The following SHROOM3 variants were observed in gnomAD, a reference collection of about 807,000 sequenced individuals.
SHROOM3 encodes the protein shroom family member 3.
SHROOM3 carries 47 observed loss-of-function variants against 138.6 expected under a neutral mutation model. The observed-to-expected ratio is 0.34, with a 90% CI of 0.27 to 0.43. SHROOM3 has a LOEUF of 0.43. Ranked by LOEUF, SHROOM3 falls within the 20% of genes least tolerant of loss-of-function variation. The pLI is 1.00. For synonymous variants in SHROOM3, 1,062 were observed against 1,063.3 expected (o/e 1.00, Z 0.02); for missense variants, 2,491 against 2,596.5 (o/e 0.96, Z 0.88).
rs777789758 is a variant in SHROOM3, at chr4:76,756,890, G to T, written c.5151G>T (p.Arg1717Ser). 1.9e-6 allele frequency: 3 copies of T among 1,614,100 alleles called. No individual in the cohort carries two copies. Among genetic ancestry groups the T allele is most frequent in the Non-Finnish European group, 2.5e-6 (3 of 1,180,028 alleles). The change falls in exon 8 of 11, where the codon AGG becomes AGT. Residue 1717 changes from arginine to serine, a missense_variant. Around this residue, in one of 4 missense-constraint regions of SHROOM3, gnomAD observed 470 missense variants for 595.0 expected, o/e 0.79. Coordinates refer to ENST00000296043, the MANE Select transcript of SHROOM3 (RefSeq NM_020859.4). ...TGCTGAAGGAAAACAGTGTAAAGAG[G>T]AAGGCCATACAGAGAACTGTCAGCT... ...VNLLKENSVKRKAIQRTVSSS... is the reference protein window; with the variant it reads ...VNLLKENSVKSKAIQRTVSSS...
Position 76,708,670 on chromosome 4 carries a change from G to A in SHROOM3, c.324-1486G>A, listed in dbSNP as rs144347044. ...TTCTAGTCACCGATTGTTCCTATGC[G>A]TGCATTATATAGATGACAGAACTGA... is the stretch of plus-strand genomic sequence containing the variant. On this transcript the variant is annotated intron_variant, in intron 2 of 10. Coordinates refer to ENST00000296043, the MANE Select transcript of SHROOM3 (RefSeq NM_020859.4). Among the ~76,000 whole-genome samples, 524 of 152,208 alleles carry A rather than the reference G, an allele frequency of 3.4e-3. 4 individuals carry two copies. Among genetic ancestry groups the A allele is most frequent in the African/African-American group, 0.012 (481 of 41,524 alleles).
chr4:76,761,847 G>A (rs1721996422), intron 9 of SHROOM3, among the ~76,000 whole-genome samples: 1 of 152,130 alleles, frequency 6.6e-6, no homozygotes, highest in South Asian at 2.1e-4. Context: ...CTTAGGGAGA[G>A]GAAATGTCAC....
intron 9 of SHROOM3, among the ~76,000 whole-genome samples, chr4:76,762,412 G>A (rs1722015414): frequency 6.6e-6 from 1 of 152,172 alleles, no homozygotes; most frequent in Non-Finnish European, 1.5e-5. Flanking sequence ...AGACTCTTAC[G>A]AGGAAAAACA....
intron 1 of SHROOM3, among the ~76,000 whole-genome samples, chr4:76,542,620 C>G (rs1319402370): frequency 6.6e-6 from 1 of 152,184 alleles, no homozygotes; most frequent in Non-Finnish European, 1.5e-5. Flanking sequence ...GTGGAAGGCT[C>G]TGGAAGCTAG....
intron 2 of SHROOM3, among the ~76,000 whole-genome samples, chr4:76,640,360 C>T (rs750925905): frequency 5.3e-5 from 8 of 152,180 alleles, no homozygotes; most frequent in Non-Finnish European, 8.8e-5. Flanking sequence ...TATGCTCTCC[C>T]GCGTCAGAAG....
At chr4:76,772,824 G>T (rs759318709) in intron 10 of SHROOM3, among the ~76,000 whole-genome samples, 4 of 152,152 alleles carry the variant, frequency 2.6e-5, no homozygotes, top group Non-Finnish European at 5.9e-5. Context: ...GTGTGCTGGT[G>T]CTGAGCATAA....
intron 1 of SHROOM3, among the ~76,000 whole-genome samples, chr4:76,553,432 C>T (rs1469056794): frequency 1.3e-5 from 2 of 151,888 alleles, no homozygotes; most frequent in Non-Finnish European, 2.9e-5. Context: ...TGCACCACCA[C>T]ACTCAGCTAA....
intron 3 of SHROOM3, among the ~76,000 whole-genome samples, chr4:76,713,977 T>C (rs1720304417): frequency 6.6e-6 from 1 of 152,232 alleles, no homozygotes; most frequent in African/African-American, 2.4e-5. Context: ...CATTCTCATC[T>C]AGTTACGCTC....
chr4:76,452,467 A>C (rs1730945950), intron 1 of SHROOM3, among the ~76,000 whole-genome samples: 1 of 152,234 alleles, frequency 6.6e-6, no homozygotes, highest in Non-Finnish European at 1.5e-5. Context: ...TAGGTGCTTC[A>C]TATAAGTGGA....
intron 2 of SHROOM3, among the ~76,000 whole-genome samples, chr4:76,590,109 T>C (rs1196980311): frequency 6.6e-6 from 1 of 152,178 alleles, no homozygotes; most frequent in African/African-American, 2.4e-5. Context: ...GCTGGTTCTC[T>C]TAACTGGATC....
intron 1 of SHROOM3, among the ~76,000 whole-genome samples, chr4:76,454,525 C>T (rs1730988658): frequency 6.6e-6 from 1 of 152,168 alleles, no homozygotes; most frequent in African/African-American, 2.4e-5. Flanking sequence ...GTCTAAATGT[C>T]TGTCTGTATG....
intron 2 of SHROOM3, among the ~76,000 whole-genome samples, chr4:76,632,520 T>C (rs185524294): frequency 3.9e-5 from 6 of 152,224 alleles, no homozygotes; most frequent in Non-Finnish European, 5.9e-5. Flanking sequence ...ACACAAATCA[T>C]TGACTTGGCA....
chr4:76,771,848 C>T (rs1000501013), intron 10 of SHROOM3, among the ~76,000 whole-genome samples: 1 of 152,216 alleles, frequency 6.6e-6, no homozygotes, highest in African/African-American at 2.4e-5. Context: ...TTCATCCACT[C>T]CTCTGTACGG....
At chr4:76,736,295 G>A (rs933711923) in intron 4 of SHROOM3, among the ~76,000 whole-genome samples, 1 of 152,030 alleles carries the variant, frequency 6.6e-6, no homozygotes, top group African/African-American at 2.4e-5. Context: ...TCCCTGATCT[G>A]GCTGGCTTGG....
chr4:76,554,268 G>GT (rs1263626503), intron 1 of SHROOM3, among the ~76,000 whole-genome samples: 1 of 152,006 alleles, frequency 6.6e-6, no homozygotes. Flanking sequence ...TTTCCTTCAT[G>GT]TTGTTTCATG....
chr4:76,515,757 C>T (rs1380786662), intron 1 of SHROOM3, among the ~76,000 whole-genome samples: 4 of 152,152 alleles, frequency 2.6e-5, no homozygotes, highest in Non-Finnish European at 4.4e-5. Context: ...TGGGTGTAGA[C>T]TTCCCATTGC....
In SHROOM3 at chr4:76,759,606, G is replaced by A; in HGVS notation, c.5260G>A (p.Ala1754Thr). The A allele has an allele frequency of 6.2e-7, 1 of 1,614,200 alleles. No homozygotes were observed. Among genetic ancestry groups the A allele is most frequent in the South Asian group, 1.1e-5 (1 of 91,082 alleles). Residue 1754 changes from alanine to threonine, a missense_variant, in exon 9 of 11, where the codon GCT becomes ACT. This residue lies in a region of SHROOM3 where 470 missense variants were observed against 595.0 expected (regional missense o/e 0.79). Coordinates refer to ENST00000296043, the MANE Select transcript of SHROOM3 (RefSeq NM_020859.4). ...VNCPAYYSVSAPKAELLNKIK... is the reference protein window; with the variant it reads ...VNCPAYYSVSTPKAELLNKIK... ...CTGCCCTGCCTACTACAGTGTGTCT[G>A]CTCCCAAGGCTGAGCTACTGAACAA...
chr4:76,745,889 G>C, intron 5 of SHROOM3, among the ~76,000 whole-genome samples: 1 of 152,224 alleles, frequency 6.6e-6, no homozygotes, highest in East Asian at 1.9e-4. Flanking sequence ...ACTGAGGCAC[G>C]AGAATCGCTT....
intron 2 of SHROOM3, among the ~76,000 whole-genome samples, chr4:76,599,988 A>AT (rs113434073): frequency 1.5e-3 from 227 of 150,698 alleles, no homozygotes; most frequent in Middle Eastern, 3.4e-3. Flanking sequence ...CTAAAAAAAC[A>AT]TTTTTTTTTT....
Sources: allele counts gnomAD v4.1 joint callset (sites outside exome capture counted in the v4.1 genomes callset), GRCh38; gene constraint gnomAD v4.1.1; regional missense constraint gnomAD v4.1.1; transcripts MANE v1.5; gene names NCBI Gene and HGNC (gene_info 2026-07-23, HGNC 2026-07-21).